The following GNAI1 variants were observed in gnomAD, a reference collection of about 807,000 sequenced individuals.
GNAI1 encodes the protein guanine nucleotide-binding protein G(i) subunit alpha-1.
GNAI1 carries 11 observed loss-of-function variants against 38.9 expected under a neutral mutation model. That is an observed-to-expected ratio of 0.28 (90% CI 0.18 to 0.47). GNAI1 has a LOEUF of 0.47. Among genes scored for constraint, GNAI1 ranks in the 20% least tolerant of loss-of-function variants. GNAI1 has a pLI of 0.99. For synonymous variants in GNAI1, 166 were observed against 145.1 expected, an observed-to-expected ratio of 1.14 and a Z score of -1.04; for missense variants, 317 against 436.9, an observed-to-expected ratio of 0.73 and a Z score of 2.45.
intron 7 of GNAI1, among the ~76,000 whole-genome samples, chr7:80,214,066 TCCTAGA>T (rs1050622331): frequency 1.3e-5 from 2 of 152,098 alleles, no homozygotes; most frequent in Non-Finnish European, 2.9e-5. Flanking sequence ...GTCCTCCTGC[TCCTAGA>T]CCATGAACGA....
chr7:80,213,985 A>G (rs532894757), intron 7 of GNAI1, among the ~76,000 whole-genome samples: 107 of 152,242 alleles, frequency 7.0e-4, no homozygotes, highest in Non-Finnish European at 1.2e-3. Context: ...GTGCTCAGGT[A>G]TCCCTACCCA....
intron 1 of GNAI1, among the ~76,000 whole-genome samples, chr7:80,141,743 C>T (rs1787529734): frequency 6.6e-6 from 1 of 152,068 alleles, no homozygotes; most frequent in Admixed American, 6.6e-5. Context: ...TTACTGTAAC[C>T]AGCAAGAAAA....
At chr7:80,180,764 G>A (rs144937127) in intron 1 of GNAI1, among the ~76,000 whole-genome samples, 1 of 152,126 alleles carries the variant, frequency 6.6e-6, no homozygotes, top group Non-Finnish European at 1.5e-5. Context: ...GGTCAGTCCA[G>A]TTGAGCTTGT....
At chr7:80,143,915 T>C (rs1015173397) in intron 1 of GNAI1, among the ~76,000 whole-genome samples, 2 of 49,768 alleles carry the variant, frequency 4.0e-5, no homozygotes, top group Non-Finnish European at 1.3e-4. Flanking sequence ...TGTGTGTGTG[T>C]GTGTGTGCGC....
rs1461292660 is a variant in GNAI1, at chr7:80,219,157, TTTAGA to T, written c.*1667_*1671del. On this transcript the variant is annotated 3_prime_UTR_variant, in exon 8 of 8. Coordinates refer to ENST00000649796, the MANE Select transcript of GNAI1 (RefSeq NM_002069.6). ...TATCAAAGTTCCTTAAATGTGTTAG[TTTAGA>T]TTCTTTATGTGCCTTTCATGAAAGA... 6 of 152,526 alleles carry T rather than the reference TTTAGA, an allele frequency of 3.9e-5. No homozygotes were observed. The highest frequency in any genetic ancestry group is 8.8e-5 in the Non-Finnish European group (6 of 68,020). 9.4% of individuals were successfully genotyped at this position (152,526 alleles called of 1,614,324 possible).
chr7:80,136,667 C>T (rs531207055), intron 1 of GNAI1, among the ~76,000 whole-genome samples: 1 of 152,096 alleles, frequency 6.6e-6, no homozygotes, highest in South Asian at 2.1e-4. Context: ...GTATGTACTT[C>T]TCTTGTGAAT....
chr7:80,146,403 T>A (rs920932774), intron 1 of GNAI1, among the ~76,000 whole-genome samples: 24 of 152,290 alleles, frequency 1.6e-4, no homozygotes, highest in African/African-American at 5.8e-4. Context: ...AAAAAAGCAC[T>A]TTAATAATTT....
At chr7:80,205,949 C>T (rs1039113081) in intron 5 of GNAI1, among the ~76,000 whole-genome samples, 5 of 151,596 alleles carry the variant, frequency 3.3e-5, no homozygotes, top group Admixed American at 1.3e-4. Context: ...CTGAAATGGT[C>T]GTGATGATAA....
intron 1 of GNAI1, 68 bp downstream of exon 1, chr7:80,135,346 C>G (rs1787390913): frequency 1.1e-6 from 1 of 941,660 alleles, no homozygotes. Flanking sequence ...CGGCCCTCGG[C>G]GTTTGGAAAC....
At chr7:80,212,896 G>C in intron 7 of GNAI1, 27 bp downstream of exon 7, 1 of 1,462,900 alleles carries the variant, frequency 6.8e-7, no homozygotes, top group Non-Finnish European at 9.3e-7. Context: ...GGAATAACTT[G>C]TCAAGTTACA....
intron 1 of GNAI1, among the ~76,000 whole-genome samples, chr7:80,156,059 A>AG (rs1787812996): frequency 6.6e-6 from 1 of 151,348 alleles, no homozygotes; most frequent in African/African-American, 2.4e-5. Flanking sequence ...AAAAAAAAAA[A>AG]AAAAGAAAGA....
chr7:80,221,428 A>T lies in GNAI1; in HGVS notation c.*3935A>T, dbSNP rs1378017926. ...CCTTTAAAATCATAATCAGTGCTTAACAAATGGTTGTTGATACGTGCTTTG... is the reference window on the plus strand; with the variant it reads ...CCTTTAAAATCATAATCAGTGCTTATCAAATGGTTGTTGATACGTGCTTTG... On this transcript the variant is annotated 3_prime_UTR_variant, in exon 8 of 8. Coordinates refer to ENST00000649796, the MANE Select transcript of GNAI1 (RefSeq NM_002069.6). Among the ~76,000 whole-genome samples, 1 of 152,136 alleles carries T rather than the reference A, an allele frequency of 6.6e-6. No homozygotes were observed. The highest frequency in any genetic ancestry group is 1.9e-4 in the East Asian group (1 of 5,188).
At chr7:80,211,316 A>G (rs181561183) in intron 6 of GNAI1, among the ~76,000 whole-genome samples, 70 of 152,308 alleles carry the variant, frequency 4.6e-4, no homozygotes, top group African/African-American at 1.6e-3. Flanking sequence ...AAGCTTAACT[A>G]TGCATTTCTG....
chr7:80,135,139 G>GCAGGCTCTCGCTTTCGGCAC lies in GNAI1; in HGVS notation c.-19_1dup. The GCAGGCTCTCGCTTTCGGCAC allele has an allele frequency of 3.4e-6, 5 of 1,458,258 alleles. No individual in the cohort carries two copies. Among genetic ancestry groups the GCAGGCTCTCGCTTTCGGCAC allele is most frequent in the Non-Finnish European group, 3.7e-6 (4 of 1,092,404 alleles). The allele number at this position is 1,458,258 out of a possible 1,614,324, so 90.3% of individuals were successfully genotyped here. A position where few individuals can be genotyped will look rare whatever the true frequency, so the allele number is the denominator to read the frequency against. ...GCACTCGGGCGCGGAGGGAGCGGCG[G>GCAGGCTCTCGCTTTCGGCAC]CAGGCTCTCGCTTTCGGCACCATGG... On this transcript the variant is annotated 5_prime_UTR_variant, in exon 1 of 8. Coordinates refer to ENST00000649796, the MANE Select transcript of GNAI1 (RefSeq NM_002069.6).
intron 1 of GNAI1, among the ~76,000 whole-genome samples, chr7:80,176,996 A>G (rs1017234641): frequency 4.7e-5 from 7 of 148,336 alleles, no homozygotes; most frequent in Non-Finnish European, 7.4e-5. Flanking sequence ...CTGTAAATGG[A>G]AGAACAAAAG....
intron 1 of GNAI1, among the ~76,000 whole-genome samples, chr7:80,140,955 C>T (rs1787515642): frequency 6.6e-6 from 1 of 152,138 alleles, no homozygotes; most frequent in Non-Finnish European, 1.5e-5. Flanking sequence ...GGTGCCTTCT[C>T]CATCTCAAAG....
intron 1 of GNAI1, 46 bp downstream of exon 1, chr7:80,135,324 T>A: frequency 1.8e-6 from 2 of 1,132,928 alleles, no homozygotes; most frequent in Middle Eastern, 3.2e-4. Context: ...GGGGACCGGG[T>A]GCGGCGCTGC....
At position 80,211,046 on chromosome 7, in the gene GNAI1, T is replaced by G; in HGVS notation, c.668T>G (p.Phe223Cys). Residue 223 changes from phenylalanine to cysteine, a missense_variant, in exon 6 of 8, where the codon TTC becomes TGC. Around this residue, in one of 5 missense-constraint regions of GNAI1, gnomAD observed 158 missense variants for 234.7 expected, o/e 0.67. Transcript: ENST00000649796. The part of the protein sequence containing the change: ...HCFEGVTAII[F>C]CVALSDYDLV... Reference sequence around the variant, plus strand: ...TTCGAAGGAGTGACGGCGATCATCTTCTGTGTAGCACTGAGTGACTACGAC... The same window carrying G: ...TTCGAAGGAGTGACGGCGATCATCTGCTGTGTAGCACTGAGTGACTACGAC... 1.2e-6 allele frequency: 2 copies of G among 1,613,630 alleles called. No individual in the cohort carries two copies. Among genetic ancestry groups the G allele is most frequent in the Non-Finnish European group, 1.7e-6 (2 of 1,179,532 alleles).
chr7:80,205,894 A>C (rs2115690495), intron 5 of GNAI1, among the ~76,000 whole-genome samples: 1 of 152,228 alleles, frequency 6.6e-6, no homozygotes, highest in East Asian at 1.9e-4. Context: ...ATAAATCTTT[A>C]CTGTGAATTA....
Sources: allele counts gnomAD v4.1 joint callset (sites outside exome capture counted in the v4.1 genomes callset), GRCh38; gene constraint gnomAD v4.1.1; regional missense constraint gnomAD v4.1.1; transcripts MANE v1.5; gene names NCBI Gene and HGNC (gene_info 2026-07-23, HGNC 2026-07-21).